Variants in GSE1 observed in about 807,000 individuals in gnomAD.
The protein encoded by GSE1 is genetic suppressor element 1.
In GSE1, 32 loss-of-function variants were observed where a neutral mutation model predicts 112.6. The ratio of observed to expected loss-of-function variants is 0.28; its 90% CI spans 0.21 to 0.38. The LOEUF is 0.38. GSE1 is among the 10% of genes least tolerant of loss of function. GSE1 has a pLI of 1.00. For synonymous variants in GSE1, 1,115 were observed against 735.6 expected (o/e 1.52, Z -8.35); for missense variants, 2,348 against 1,699.2 (o/e 1.38, Z -6.71).
chr16:85,403,283 A>T (rs2151676526), intron 2 of GSE1, among the ~76,000 whole-genome samples: 1 of 152,176 alleles, frequency 6.6e-6, no homozygotes, highest in South Asian at 2.1e-4. Context: ...GAGCCCCCTC[A>T]CCTGTGCCAT....
chr16:85,521,152 T>C (rs2151153651), intron 2 of GSE1, among the ~76,000 whole-genome samples: 1 of 152,288 alleles, frequency 6.6e-6, no homozygotes, highest in African/African-American at 2.4e-5. Context: ...GGCCTTGGAC[T>C]CCTGACCACC....
intron 1 of GSE1, among the ~76,000 whole-genome samples, chr16:85,318,015 C>T (rs2046022164): frequency 6.6e-6 from 1 of 152,224 alleles, no homozygotes; most frequent in African/African-American, 2.4e-5. Flanking sequence ...AGAATAGCAT[C>T]TGCAAAGATC....
rs532120222 is a variant in GSE1 at position 85,180,587 on chromosome 16, G to A, written c.2283+8780G>A. ...CATTGCCCCACGTGACTGTCTCACTGTCTTATAAGTGGGCTTATTTGTTTT... is the reference window on the plus strand; with the variant it reads ...CATTGCCCCACGTGACTGTCTCACTATCTTATAAGTGGGCTTATTTGTTTT... On this transcript the variant is annotated intron_variant, in intron 1 of 2. Transcript: ENST00000637419. Among the ~76,000 whole-genome samples, 5 of 152,364 alleles carry A rather than the reference G, an allele frequency of 3.3e-5. No homozygotes were observed. The East Asian group carries it at 9.6e-4, about 29-fold the overall frequency.
At chr16:85,320,586 C>A (rs12929698) in intron 1 of GSE1, among the ~76,000 whole-genome samples, 37,777 of 152,058 alleles carry the variant, frequency 0.25, 5,135 homozygotes, top group East Asian at 0.42. Context: ...TGAGCCACCA[C>A]GCCCGGCCTG....
At chr16:85,640,838 T>TGTCTCCCGCGC (rs2050382922) in intron 2 of GSE1, among the ~76,000 whole-genome samples, 1 of 152,236 alleles carries the variant, frequency 6.6e-6, no homozygotes, top group South Asian at 2.1e-4. Context: ...GGAGCCCGTC[T>TGTCTCCCGCGC]GTCTCCCGCG....
At chr16:85,260,189 C>A (rs1907524232) in intron 1 of GSE1, among the ~76,000 whole-genome samples, 1 of 152,188 alleles carries the variant, frequency 6.6e-6, no homozygotes, top group African/African-American at 2.4e-5. Flanking sequence ...CACTGCCCTC[C>A]CATGGTACCT....
intron 1 of GSE1, among the ~76,000 whole-genome samples, chr16:85,248,743 C>G (rs1567638041): frequency 1.3e-5 from 2 of 152,232 alleles, no homozygotes; most frequent in Non-Finnish European, 2.9e-5. Context: ...CATCTCCCCC[C>G]ATTGATACCA....
At chr16:85,635,806 C>T (rs1312690977) in intron 2 of GSE1, among the ~76,000 whole-genome samples, 1 of 152,230 alleles carries the variant, frequency 6.6e-6, no homozygotes, top group Admixed American at 6.5e-5. Context: ...GGCTCCACCC[C>T]TGGGTAACGC....
Position 85,634,028 on chromosome 16 carries a change from G to A in GSE1, c.122G>A (p.Ser41Asn), listed in dbSNP as rs1476229159. 1.9e-6 allele frequency: 3 copies of A among 1,611,152 alleles called. No homozygotes were observed. The highest frequency in any genetic ancestry group is 2.2e-5 in the East Asian group (1 of 44,826). ...CCGCTCAATGGCGCCCTGGTGCCCA[G>A]CGGCAGCCCCGCCACCAGCAGCGCG... ...PSPLNGALVP[S>N]GSPATSSALS... The change falls in exon 2 of 16, where the codon AGC (serine) becomes AAC (asparagine). Residue 41 changes from serine to asparagine, a missense_variant. By Grantham distance (46) the Ser-to-Asn change is conservative. Transcript: ENST00000253458.
chr16:85,389,647 C>T (rs1330319912), intron 2 of GSE1, among the ~76,000 whole-genome samples: 1 of 152,154 alleles, frequency 6.6e-6, no homozygotes, highest in African/African-American at 2.4e-5. Flanking sequence ...TAGAAAGCCT[C>T]AAGCAGAGAG....
intron 1 of GSE1, among the ~76,000 whole-genome samples, chr16:85,340,341 C>T (rs1359741093): frequency 6.6e-6 from 1 of 152,098 alleles, no homozygotes; most frequent in Non-Finnish European, 1.5e-5. Flanking sequence ...CAGAATGAGA[C>T]CCTGTCTTAA....
At chr16:85,347,449 T>G (rs1445305486) in intron 1 of GSE1, among the ~76,000 whole-genome samples, 5 of 152,172 alleles carry the variant, frequency 3.3e-5, no homozygotes, top group Admixed American at 1.3e-4. Flanking sequence ...CAGCAAGCAG[T>G]GAGCTCCTGC....
upstream of GSE1, among the ~76,000 whole-genome samples, chr16:85,552,885 G>A (rs1294101182): frequency 6.6e-6 from 1 of 152,240 alleles, no homozygotes; most frequent in African/African-American, 2.4e-5. Flanking sequence ...ATTGTGTAAT[G>A]ACATGTTTGC....
upstream of GSE1, among the ~76,000 whole-genome samples, chr16:85,553,085 CCA>C (rs1455007869): frequency 6.6e-6 from 1 of 151,838 alleles, no homozygotes. Flanking sequence ...GGAGATTTTT[CCA>C]GTTTGTGAGG....
chr16:85,349,186 C>G (rs921093872), intron 1 of GSE1, among the ~76,000 whole-genome samples: 1 of 152,184 alleles, frequency 6.6e-6, no homozygotes, highest in Non-Finnish European at 1.5e-5. Context: ...GTCTGCTTAT[C>G]AGGGACTCTG....
chr16:85,394,343 C>T (rs973947365), intron 2 of GSE1, among the ~76,000 whole-genome samples: 64 of 152,302 alleles, frequency 4.2e-4, no homozygotes, highest in African/African-American at 1.2e-3. Flanking sequence ...GGTGCGGCCC[C>T]GCTGGACGCT....
chr16:85,208,804 T>A (rs2075167564), intron 1 of GSE1, among the ~76,000 whole-genome samples: 1 of 106,692 alleles, frequency 9.4e-6, no homozygotes, highest in African/African-American at 3.2e-5. Flanking sequence ...TCGCCTGTGT[T>A]GGGGTTTGCC....
intron 2 of GSE1, among the ~76,000 whole-genome samples, chr16:85,413,290 G>T (rs763116114): frequency 6.4e-4 from 98 of 152,298 alleles, no homozygotes; most frequent in Non-Finnish European, 1.2e-3. Flanking sequence ...TGAGGGTTGG[G>T]AAGCCAAGAG....
At chr16:85,644,280 A>G (rs894473422) in intron 2 of GSE1, among the ~76,000 whole-genome samples, 9 of 150,712 alleles carry the variant, frequency 6.0e-5, no homozygotes, top group Non-Finnish European at 1.3e-4. Context: ...TTGAGGCTGC[A>G]GTGAGCTGTG....
Sources: gnomAD v4.1 joint callset for allele counts (sites outside exome capture counted in the v4.1 genomes callset) on GRCh38, gnomAD v4.1.1 for gene constraint, MANE v1.5 for transcripts, NCBI Gene and HGNC (gene_info 2026-07-23, HGNC 2026-07-21) for gene names.